Variants in KCNC2 observed in about 807,000 individuals in gnomAD.
KCNC2 encodes the protein potassium voltage-gated channel subfamily C member 2.
KCNC2 carries 21 observed loss-of-function variants against 44.5 expected under a neutral mutation model. The observed-to-expected ratio is 0.47, with a 90% CI of 0.33 to 0.68. KCNC2 has a LOEUF of 0.68. Among genes scored for constraint, KCNC2 ranks in the 30% least tolerant of loss-of-function variants. The pLI is 0.01. For missense variants in KCNC2, 589 were observed against 826.2 expected (o/e 0.71, Z 3.52); for synonymous variants, 391 against 339.1 (o/e 1.15, Z -1.68).
At chr12:75,194,496 T>G (rs1443026525) in intron 2 of KCNC2, among the ~76,000 whole-genome samples, 1 of 152,208 alleles carries the variant, frequency 6.6e-6, no homozygotes, top group East Asian at 1.9e-4. Context: ...AGGTGTCTGT[T>G]GTCTTAAGTC....
intron 2 of KCNC2, among the ~76,000 whole-genome samples, chr12:75,121,039 G>A (rs549392606): frequency 3.9e-5 from 6 of 152,168 alleles, no homozygotes; most frequent in South Asian, 4.2e-4. Context: ...TCTGGACCAC[G>A]GTATCCATGA....
At chr12:75,208,924 C>T (rs542599964) in intron 1 of KCNC2, among the ~76,000 whole-genome samples, 2 of 152,190 alleles carry the variant, frequency 1.3e-5, no homozygotes, top group East Asian at 1.9e-4. Flanking sequence ...ATCCCCCTTC[C>T]CAAGAAAAAC....
intron 2 of KCNC2, among the ~76,000 whole-genome samples, chr12:75,074,232 A>ATTT (rs5799196): frequency 0.013 from 1,207 of 94,756 alleles, 18 homozygotes; most frequent in African/African-American, 0.045. Context: ...CTACTCATAG[A>ATTT]TTTTTTTTTT....
At chr12:75,043,798 T>G in intron 4 of KCNC2, 1 of 1,499,528 alleles carries the variant, frequency 6.7e-7, no homozygotes, top group Non-Finnish European at 8.9e-7. Context: ...TAGGATGGAA[T>G]GCCCATTTCT....
intron 2 of KCNC2, among the ~76,000 whole-genome samples, chr12:75,098,414 T>C (rs571166407): frequency 6.6e-6 from 1 of 152,290 alleles, no homozygotes; most frequent in Non-Finnish European, 1.5e-5. Context: ...CTAAACCTAC[T>C]GTAAATCCCT....
At position 75,131,164 on chromosome 12, in the gene KCNC2, G is replaced by A. The variant is rs561012936; in HGVS notation, c.687+76133C>T. 2.6e-5 allele frequency among the ~76,000 whole-genome samples: 4 copies of A among 152,126 alleles called. No individual in the cohort carries two copies. In the East Asian group the frequency reaches 5.8e-4, roughly 22 times the overall value. ...TTAACTAATTACAAAGTGACTCAAA[G>A]CATAAAGAAGAAAATATTTCACAGG... is the stretch of plus-strand genomic sequence containing the variant. On this transcript the variant is annotated intron_variant, in intron 2 of 4. Coordinates refer to ENST00000549446, the MANE Select transcript of KCNC2 (RefSeq NM_139137.4).
At chr12:75,106,500 A>G (rs1218948590) in intron 2 of KCNC2, among the ~76,000 whole-genome samples, 3 of 152,230 alleles carry the variant, frequency 2.0e-5, no homozygotes, top group Middle Eastern at 6.8e-3. Flanking sequence ...GATGAATAGG[A>G]CTTACTGAGC....
chr12:75,117,196 T>G (rs1341294434), intron 2 of KCNC2, among the ~76,000 whole-genome samples: 1 of 152,246 alleles, frequency 6.6e-6, no homozygotes, highest in Non-Finnish European at 1.5e-5. Flanking sequence ...AAAGGCTTAC[T>G]GTTTTTTATG....
intron 2 of KCNC2, among the ~76,000 whole-genome samples, chr12:75,066,801 AT>A (rs1324464654): frequency 6.6e-6 from 1 of 152,220 alleles, no homozygotes; most frequent in Non-Finnish European, 1.5e-5. Context: ...TACTGAATAA[AT>A]GTATTCCAAC....
intron 2 of KCNC2, among the ~76,000 whole-genome samples, chr12:75,138,815 C>T (rs1273242764): frequency 6.6e-6 from 1 of 151,786 alleles, no homozygotes; most frequent in Non-Finnish European, 1.5e-5. Flanking sequence ...CCCGTCTCTA[C>T]TAAAAAATAC....
At chr12:75,063,817 C>T (rs1882570877) in intron 2 of KCNC2, among the ~76,000 whole-genome samples, 2 of 151,992 alleles carry the variant, frequency 1.3e-5, no homozygotes, top group African/African-American at 4.8e-5. Context: ...TTCTGATGAA[C>T]ATGTTTAGGC....
At chr12:75,061,588 C>G (rs1285752937) in intron 2 of KCNC2, among the ~76,000 whole-genome samples, 1 of 151,292 alleles carries the variant, frequency 6.6e-6, no homozygotes, top group Non-Finnish European at 1.5e-5. Flanking sequence ...CACACACACA[C>G]ACACACACAC....
intron 2 of KCNC2, among the ~76,000 whole-genome samples, chr12:75,077,166 A>G (rs748775356): frequency 5.3e-5 from 8 of 152,156 alleles, no homozygotes; most frequent in Non-Finnish European, 1.2e-4. Context: ...AATACAAGAT[A>G]ATTTCATTAA....
At chr12:75,099,960 G>T (rs1446041338) in intron 2 of KCNC2, among the ~76,000 whole-genome samples, 1 of 151,982 alleles carries the variant, frequency 6.6e-6, no homozygotes, top group East Asian at 1.9e-4. Flanking sequence ...CTAAATCAAA[G>T]ATTTTTACAT....
intron 2 of KCNC2, among the ~76,000 whole-genome samples, chr12:75,067,284 T>C (rs1882928426): frequency 6.6e-6 from 1 of 152,200 alleles, no homozygotes; most frequent in Non-Finnish European, 1.5e-5. Context: ...GTTGCCTTTA[T>C]AGTTTGTGGC....
In KCNC2 at chr12:75,051,053, T is replaced by C; in HGVS notation, c.952A>G (p.Ile318Val). ...AAAGGTAGGATGGCCACAAAGTCAA[T>C]GATATTCAAGAGATTTTTGATGAAT... ...LEFIKNLLNI[I>V]DFVAILPFYL... The change falls in exon 3 of 5, where the codon ATT (isoleucine) becomes GTT (valine). Residue 318 changes from isoleucine (I) to valine (V), a missense_variant. This residue lies in a region of KCNC2 where 67 missense variants were observed against 237.4 expected (regional missense o/e 0.28). Coordinates refer to ENST00000549446, the MANE Select transcript of KCNC2 (RefSeq NM_139137.4). 1 of 1,613,790 alleles carries C rather than the reference T, an allele frequency of 6.2e-7. No individual in the cohort carries two copies. Among genetic ancestry groups the C allele is most frequent in the Non-Finnish European group, 8.5e-7 (1 of 1,179,866 alleles).
intron 2 of KCNC2, among the ~76,000 whole-genome samples, chr12:75,189,804 C>T (rs970152330): frequency 3.9e-5 from 6 of 152,164 alleles, no homozygotes; most frequent in Non-Finnish European, 8.8e-5. Context: ...GTCAAAGCAG[C>T]AATAGAGGGT....
chr12:75,200,357 C>T (rs1370080340), intron 2 of KCNC2, among the ~76,000 whole-genome samples: 4 of 151,738 alleles, frequency 2.6e-5, no homozygotes, highest in African/African-American at 9.7e-5. Context: ...CAGATGATTG[C>T]CAATTTTCTT....
In KCNC2 at chr12:75,139,840, C is replaced by T. The variant is rs994388015; in HGVS notation, c.687+67457G>A. On this transcript the variant is annotated intron_variant, in intron 2 of 4. Coordinates refer to ENST00000549446, the MANE Select transcript of KCNC2 (RefSeq NM_139137.4). ...CGGAGGAATTAATAAAGTATTGCAG[C>T]GGAAGAAAAACTACGAGCAAACATA... is the stretch of plus-strand genomic sequence containing the variant. 5.3e-5 allele frequency among the ~76,000 whole-genome samples: 8 copies of T among 151,958 alleles called. No individual in the cohort carries two copies. The East Asian group carries it at 7.7e-4, about 15-fold the overall frequency.
Sources: allele counts gnomAD v4.1 joint callset (sites outside exome capture counted in the v4.1 genomes callset), GRCh38; gene constraint gnomAD v4.1.1; regional missense constraint gnomAD v4.1.1; transcripts MANE v1.5; gene names NCBI Gene and HGNC (gene_info 2026-07-23, HGNC 2026-07-21).